The following NUP153 variants were observed in gnomAD, a reference collection of about 807,000 sequenced individuals.
The protein encoded by NUP153 is nuclear pore complex protein Nup153.
NUP153 carries 27 observed loss-of-function variants against 134.6 expected under a neutral mutation model. The observed-to-expected ratio is 0.20, with a 90% CI of 0.15 to 0.28. The LOEUF is 0.28. Among genes scored for constraint, NUP153 ranks in the 10% least tolerant of loss-of-function variants. NUP153 has a pLI of 1.00. For synonymous variants in NUP153, 640 were observed against 623.5 expected (o/e 1.03, Z -0.40); for missense variants, 1,821 against 1,731.3 (o/e 1.05, Z -0.92).
Position 17,706,392 on chromosome 6 carries a change from G to A in NUP153, c.-5C>T, listed in dbSNP as rs1032845148. 1 of 1,609,036 alleles carries A rather than the reference G, an allele frequency of 6.2e-7. No individual in the cohort carries two copies. Among genetic ancestry groups the A allele is most frequent in the African/African-American group, 1.3e-5 (1 of 74,822 alleles). ...TCCTCCGGCTCCCGAGGCCATGGCG[G>A]AGCCTCCGCCGCTTCCCGCTCCGGG... On this transcript the variant is annotated 5_prime_UTR_variant, in exon 1 of 22. Transcript: ENST00000262077. The surrounding 1 kb of genome is among the most constrained non-coding windows in gnomAD (Gnocchi z 5.9).
chr6:17,665,052 C>CAAAAAAACAA (rs1554141949), intron 9 of NUP153, among the ~76,000 whole-genome samples, 187 bp downstream of exon 9: 1 of 69,686 alleles, frequency 1.4e-5, no homozygotes, highest in African/African-American at 5.3e-5. Context: ...GACTCCGTCT[C>CAAAAAAACAA]AAAAAAAAAA....
intron 20 of NUP153, among the ~76,000 whole-genome samples, chr6:17,618,978 A>T (rs913294427): frequency 6.6e-6 from 1 of 152,174 alleles, no homozygotes; most frequent in Non-Finnish European, 1.5e-5. Flanking sequence ...TCAAATAAAT[A>T]ATTCAGGAAA....
At chr6:17,645,606 A>C (rs1766122828) in intron 14 of NUP153, among the ~76,000 whole-genome samples, 2 of 151,904 alleles carry the variant, frequency 1.3e-5, no homozygotes, top group African/African-American at 4.8e-5. Flanking sequence ...TCCTTCCTTC[A>C]ATGATGCTGA....
chr6:17,654,220 C>T (rs764422038), intron 11 of NUP153, among the ~76,000 whole-genome samples: 3 of 152,160 alleles, frequency 2.0e-5, no homozygotes, highest in Non-Finnish European at 2.9e-5. Context: ...CAACCTCCAG[C>T]GTAGAACCCT....
intron 20 of NUP153, among the ~76,000 whole-genome samples, chr6:17,620,095 CAAAAAA>C (rs58013807): frequency 3.2e-5 from 2 of 63,000 alleles, no homozygotes; most frequent in African/African-American, 1.6e-4. Context: ...AAGACACCAT[CAAAAAA>C]AAAAAAAAAA....
At chr6:17,663,947 C>CAA (rs1234301307) in intron 9 of NUP153, among the ~76,000 whole-genome samples, 7 of 151,714 alleles carry the variant, frequency 4.6e-5, no homozygotes, top group Non-Finnish European at 8.8e-5. Flanking sequence ...CACAAACACA[C>CAA]AAAAAAACAC....
chr6:17,632,075 A>T (rs1367987470), intron 17 of NUP153, among the ~76,000 whole-genome samples: 1 of 152,150 alleles, frequency 6.6e-6, no homozygotes, highest in Non-Finnish European at 1.5e-5. Context: ...CCTGGGACCT[A>T]CTTTGGGAAA....
intron 1 of NUP153, among the ~76,000 whole-genome samples, chr6:17,704,250 C>T (rs910808804): frequency 1.3e-5 from 2 of 151,504 alleles, no homozygotes; most frequent in Non-Finnish European, 2.9e-5. Context: ...CAAGATCGCG[C>T]CACTGCACTC....
chr6:17,668,824 C>T, intron 8 of NUP153, 151 bp downstream of exon 8: 1 of 523,728 alleles, frequency 1.9e-6, no homozygotes, highest in South Asian at 2.4e-5. Flanking sequence ...GTCTGGATGA[C>T]AGAGCGAGAC....
intron 2 of NUP153, among the ~76,000 whole-genome samples, chr6:17,686,925 A>T (rs1234698738): frequency 1.3e-5 from 2 of 151,562 alleles, no homozygotes; most frequent in African/African-American, 4.8e-5. Flanking sequence ...GGGGGGTGTC[A>T]TTGTACTATC....
At chr6:17,660,113 A>C (rs1767094540) in intron 11 of NUP153, among the ~76,000 whole-genome samples, 1 of 152,240 alleles carries the variant, frequency 6.6e-6, no homozygotes, top group South Asian at 2.1e-4. Flanking sequence ...AGCTAGGAAA[A>C]GCATAGTTAA....
At chr6:17,698,681 T>G (rs562526785) in intron 1 of NUP153, among the ~76,000 whole-genome samples, 25 of 143,682 alleles carry the variant, frequency 1.7e-4, no homozygotes, top group African/African-American at 6.0e-4. Context: ...GAGCTTGCAG[T>G]GAGCCGAGAT....
intron 5 of NUP153, among the ~76,000 whole-genome samples, chr6:17,672,047 C>A (rs765928455): frequency 6.6e-6 from 1 of 151,982 alleles, no homozygotes; most frequent in Non-Finnish European, 1.5e-5. Flanking sequence ...TCCTAGCAGA[C>A]TGTAGAAACA....
Position 17,628,707 on chromosome 6 carries a change from T to C in NUP153, c.3492A>G (p.Glu1164=), listed in dbSNP as rs751386875. 3 of 1,613,138 alleles carry C rather than the reference T, an allele frequency of 1.9e-6. No individual in the cohort carries two copies. The highest frequency in any genetic ancestry group is 1.7e-6 in the Non-Finnish European group (2 of 1,179,698). ...AGGCAAAAGTGGCTTTTGCTGGCTGTTCAGATTCCTTCTCAGATGGTTTTG... is the reference window on the plus strand; with the variant it reads ...AGGCAAAAGTGGCTTTTGCTGGCTGCTCAGATTCCTTCTCAGATGGTTTTG... The part of the protein sequence containing the change: ...SMTKPSEKES[E]QPAKATFAFG... Residue 1164 remains glutamate (E), a synonymous_variant, in exon 18 of 22, where the codon GAA becomes GAG. Coordinates refer to ENST00000262077, the MANE Select transcript of NUP153 (RefSeq NM_005124.4). This position sits in a 1 kb window ranked among gnomAD's most constrained non-coding sequence, Gnocchi z 5.4.
intron 16 of NUP153, among the ~76,000 whole-genome samples, chr6:17,633,915 T>C (rs1439463211): frequency 6.6e-6 from 1 of 152,142 alleles, no homozygotes; most frequent in Non-Finnish European, 1.5e-5. Context: ...CCAGTGGTTT[T>C]TAAATCCCCA....
At chr6:17,616,286 G>GT (rs1247966828) in intron 21 of NUP153, 105 bp from the exon 22 acceptor site, 2 of 529,228 alleles carry the variant, frequency 3.8e-6, no homozygotes, top group South Asian at 2.0e-5. Flanking sequence ...GTCGGGTGGG[G>GT]GGGGAGTAGA....
chr6:17,624,509 T>C (rs1764817489), intron 20 of NUP153, 52 bp downstream of exon 20: 1 of 1,553,508 alleles, frequency 6.4e-7, no homozygotes, highest in Non-Finnish European at 8.8e-7. Context: ...AGGAAAATAT[T>C]TTAAGACACA....
chr6:17,700,184 CA>C (rs972870845), intron 1 of NUP153, among the ~76,000 whole-genome samples: 232 of 150,348 alleles, frequency 1.5e-3, no homozygotes, highest in African/African-American at 3.0e-3. Flanking sequence ...TGGTCTCCCA[CA>C]AAAAAAAAGA....
At chr6:17,703,186 A>G (rs1770239805) in intron 1 of NUP153, among the ~76,000 whole-genome samples, 1 of 148,698 alleles carries the variant, frequency 6.7e-6, no homozygotes, top group South Asian at 2.1e-4. Flanking sequence ...CCACAGAACG[A>G]GACTCCATCT....
Sources: allele counts gnomAD v4.1 joint callset (sites outside exome capture counted in the v4.1 genomes callset), GRCh38; gene constraint gnomAD v4.1.1; non-coding constraint Gnocchi (gnomAD v3.1); transcripts MANE v1.5; gene names NCBI Gene and HGNC (gene_info 2026-07-23, HGNC 2026-07-21).